Variants in IKZF1 observed in about 807,000 individuals in gnomAD.
IKZF1 encodes IKAROS family zinc finger 1, also known as DNA-binding protein Ikaros.
In IKZF1, 10 loss-of-function variants were observed where a neutral mutation model predicts 51.7. The observed-to-expected ratio is 0.19, with a 90% CI of 0.12 to 0.33. The LOEUF (loss-of-function observed/expected upper bound fraction) is 0.33. Among genes scored for constraint, IKZF1 ranks in the 10% least tolerant of loss-of-function variants. The probability of loss-of-function intolerance (pLI) is 1.00; values close to 1 mark genes in which losing one functional copy is unlikely to be tolerated. For missense variants in IKZF1, 484 were observed against 707.5 expected (o/e 0.68, Z 3.58); for synonymous variants, 280 against 282.3 (o/e 0.99, Z 0.08).
At chr7:50,305,497 G>A (rs1788574897) in intron 1 of IKZF1, among the ~76,000 whole-genome samples, 3 of 152,182 alleles carry the variant, frequency 2.0e-5, no homozygotes, top group African/African-American at 7.2e-5. Flanking sequence ...AAGCATCGCT[G>A]CTGATGCCTA....
intron 4 of IKZF1, among the ~76,000 whole-genome samples, chr7:50,380,168 G>T (rs1439069383): frequency 1.3e-5 from 2 of 152,186 alleles, no homozygotes; most frequent in African/African-American, 4.8e-5. Context: ...TGCTTGAGTG[G>T]AGTGCTCTGT....
At chr7:50,373,735 C>T (rs1809409270) in intron 3 of IKZF1, among the ~76,000 whole-genome samples, 1 of 152,148 alleles carries the variant, frequency 6.6e-6, no homozygotes, top group African/African-American at 2.4e-5. Flanking sequence ...AGTGTAGACA[C>T]TGGTGAACAA....
chr7:50,392,194 T>A (rs1320277850), intron 7 of IKZF1, among the ~76,000 whole-genome samples: 1 of 152,202 alleles, frequency 6.6e-6, no homozygotes, highest in East Asian at 1.9e-4. Flanking sequence ...GACACCACAC[T>A]GCAGGACACT....
At chr7:50,362,293 G>T (rs1584781596) in intron 3 of IKZF1, among the ~76,000 whole-genome samples, 2 of 152,234 alleles carry the variant, frequency 1.3e-5, no homozygotes, top group South Asian at 4.1e-4. Flanking sequence ...TAAGTGAGGC[G>T]CTTCGGAAGG....
chr7:50,347,795 C>T (rs993841583), intron 3 of IKZF1, among the ~76,000 whole-genome samples: 5 of 152,292 alleles, frequency 3.3e-5, no homozygotes, highest in Non-Finnish European at 7.4e-5. Context: ...GGATTACCAT[C>T]GATACGGAAA....
rs776826728 is a variant in IKZF1 at position 50,399,934 on chromosome 7, C to G, written c.867C>G (p.Ser289=). 12 of 1,612,612 alleles carry G rather than the reference C, an allele frequency of 7.4e-6. No individual in the cohort carries two copies. Among genetic ancestry groups the G allele is most frequent in the East Asian group, 2.2e-5 (1 of 44,860 alleles). ...PQKFLGDKGL[S]DTPYDSSASY... ...TTTCCACAGGGGACAAGGGCCTGTCCGACACGCCCTACGACAGCAGCGCCA... is the reference window on the plus strand; with the variant it reads ...TTTCCACAGGGGACAAGGGCCTGTCGGACACGCCCTACGACAGCAGCGCCA... The change falls in exon 8 of 8, where the codon TCC becomes TCG. Residue 289 remains serine (S), a synonymous_variant. Transcript: ENST00000331340.
chr7:50,335,247 T>C, intron 3 of IKZF1, among the ~76,000 whole-genome samples: 2 of 149,806 alleles, frequency 1.3e-5, no homozygotes, highest in South Asian at 4.2e-4. Context: ...ATGTGTGGTG[T>C]GTATATGTGT....
In IKZF1 at chr7:50,400,075, C is replaced by T. The variant is rs371831290; in HGVS notation, c.1008C>T (p.Gly336=). ...SLRPLVQTPP[G]GSEVVPVISP... ...GCCCGCTGGTGCAGACGCCCCCGGGCGGTTCCGAGGTGGTCCCGGTCATCA... is the reference window on the plus strand; with the variant it reads ...GCCCGCTGGTGCAGACGCCCCCGGGTGGTTCCGAGGTGGTCCCGGTCATCA... Residue 336 remains glycine (G), a synonymous_variant, in exon 8 of 8, where the codon GGC becomes GGT. Transcript: ENST00000331340. This position sits in a 1 kb window ranked among gnomAD's most constrained non-coding sequence, Gnocchi z 5.4. 12 of 1,586,572 alleles carry T rather than the reference C, an allele frequency of 7.6e-6. No individual in the cohort carries two copies. Among genetic ancestry groups the T allele is most frequent in the Non-Finnish European group, 1.0e-5 (12 of 1,168,404 alleles).
intron 6 of IKZF1, 59 bp downstream of exon 6, chr7:50,387,529 G>C: frequency 6.5e-7 from 1 of 1,543,554 alleles, no homozygotes; most frequent in South Asian, 1.2e-5. Context: ...CGGTGGGGAA[G>C]GAGGGCGCTC....
At chr7:50,332,356 G>A (rs948748026) in intron 3 of IKZF1, among the ~76,000 whole-genome samples, 9 of 151,788 alleles carry the variant, frequency 5.9e-5, no homozygotes, top group Non-Finnish European at 8.8e-5. Context: ...ACACATTTCC[G>A]TGTCCTAAAT....
At position 50,346,723 on chromosome 7, in the gene IKZF1, C is replaced by G. The variant is rs530336227; in HGVS notation, c.160+18966C>G. Among the ~76,000 whole-genome samples, 566 of 152,310 alleles carry G rather than the reference C, an allele frequency of 3.7e-3. 1 individual carries two copies. The highest frequency in any genetic ancestry group is 6.3e-3 in the Non-Finnish European group (431 of 68,034). On this transcript the variant is annotated intron_variant, in intron 3 of 7. Coordinates refer to ENST00000331340, the MANE Select transcript of IKZF1 (RefSeq NM_006060.6). Reference sequence around the variant, plus strand: ...CTTCTGTGTGTAAGTGTACCTTCCCCCTCAGGGCATAATGGGAAACAGTTT... The same window carrying G: ...CTTCTGTGTGTAAGTGTACCTTCCCGCTCAGGGCATAATGGGAAACAGTTT...
intron 3 of IKZF1, chr7:50,368,420 C>G (rs1317884376): frequency 1.6e-6 from 1 of 635,486 alleles, no homozygotes; most frequent in Non-Finnish European, 2.8e-6. Flanking sequence ...CTGTCACCAA[C>G]AAAGAACTGA....
At chr7:50,330,837 T>C (rs1453802447) in intron 3 of IKZF1, among the ~76,000 whole-genome samples, 1 of 151,912 alleles carries the variant, frequency 6.6e-6, no homozygotes, top group Non-Finnish European at 1.5e-5. Flanking sequence ...ACAGAAGCAG[T>C]GGGGCCGAGA....
Position 50,336,676 on chromosome 7 carries a change from G to A in IKZF1, c.160+8919G>A, listed in dbSNP as rs994216580. Among the ~76,000 whole-genome samples the A allele has an allele frequency of 1.1e-4, 17 of 152,304 alleles. No individual in the cohort carries two copies. In the South Asian group the frequency reaches 2.1e-3, roughly 19 times the overall value. On this transcript the variant is annotated intron_variant, in intron 3 of 7. Transcript: ENST00000331340. ...CCCGTGGTGTTTGCCCCTTTGAGGC[G>A]GTTCCATCCGTTGGCTGCATTGTCC...
rs1265158517 is a variant in IKZF1, at chr7:50,307,050, G to A, written c.-15+2128G>A. 2.0e-5 allele frequency among the ~76,000 whole-genome samples: 3 copies of A among 152,320 alleles called. No individual in the cohort carries two copies. In the East Asian group the frequency reaches 5.8e-4, roughly 29 times the overall value. The stretch of plus-strand genomic sequence containing the variant: ...GGAGTGAGAGGCATGGGGCAGTGTG[G>A]AAGAGTTTTAACATCAAACAGACCT... On this transcript the variant is annotated intron_variant, in intron 1 of 7. Transcript: ENST00000331340.
At chr7:50,340,124 A>G (rs2153414157) in intron 3 of IKZF1, among the ~76,000 whole-genome samples, 1 of 152,330 alleles carries the variant, frequency 6.6e-6, no homozygotes, top group South Asian at 2.1e-4. Flanking sequence ...CAATATGCGC[A>G]TGTCTAAGGA....
intron 7 of IKZF1, among the ~76,000 whole-genome samples, chr7:50,398,945 G>A (rs972715404): frequency 1.3e-5 from 2 of 152,156 alleles, no homozygotes; most frequent in African/African-American, 2.4e-5. Context: ...TTTATTTTTT[G>A]TATTAAGATA....
chr7:50,353,975 T>C (rs1017792196), intron 3 of IKZF1, among the ~76,000 whole-genome samples: 5 of 152,142 alleles, frequency 3.3e-5, no homozygotes, highest in Non-Finnish European at 7.4e-5. Context: ...TAGTAAAGGT[T>C]GGAATGATGT....
chr7:50,333,254 A>G (rs1254371594), intron 3 of IKZF1, among the ~76,000 whole-genome samples: 3 of 147,652 alleles, frequency 2.0e-5, no homozygotes, highest in African/African-American at 7.5e-5. Context: ...GGATTACCAT[A>G]TTTTAAATTG....
Sources: allele counts gnomAD v4.1 joint callset (sites outside exome capture counted in the v4.1 genomes callset), GRCh38; gene constraint gnomAD v4.1.1; non-coding constraint Gnocchi (gnomAD v3.1); transcripts MANE v1.5; gene names NCBI Gene and HGNC (gene_info 2026-07-23, HGNC 2026-07-21).